AGBL4: variants seen among roughly 807,000 people sequenced by gnomAD.
AGBL4 encodes the protein AGBL carboxypeptidase 4.
A neutral mutation model predicts 66.4 loss-of-function variants in AGBL4; 58 were observed. The observed-to-expected ratio is 0.87, with a 90% CI of 0.71 to 1.09. The LOEUF (loss-of-function observed/expected upper bound fraction) is 1.09, where lower values mean the gene tolerates loss of function less well. Among genes scored for constraint, AGBL4 ranks in the 50% least tolerant of loss-of-function variants. The pLI, the probability that AGBL4 is intolerant of heterozygous loss-of-function variation, is 0.00. For synonymous variants in AGBL4, 234 were observed against 222.9 expected (o/e 1.05, Z -0.44); for missense variants, 579 against 631.0 (o/e 0.92, Z 0.88).
At chr1:48,600,238 T>G (rs1249659837) in intron 9 of AGBL4, among the ~76,000 whole-genome samples, 6 of 152,046 alleles carry the variant, frequency 3.9e-5, no homozygotes, top group Admixed American at 3.9e-4. Context: ...AATAAATGAA[T>G]GGGCCAGCTA....
intron 2 of AGBL4, among the ~76,000 whole-genome samples, chr1:49,736,034 A>G (rs1649861873): frequency 6.6e-6 from 1 of 152,158 alleles, no homozygotes; most frequent in African/African-American, 2.4e-5. Flanking sequence ...AGCCACAGAA[A>G]TCTTTGGGAA....
chr1:49,363,910 G>A (rs1007979152), intron 3 of AGBL4, among the ~76,000 whole-genome samples: 1 of 152,148 alleles, frequency 6.6e-6, no homozygotes, highest in Non-Finnish European at 1.5e-5. Flanking sequence ...ATATAACATT[G>A]CAATTAACTG....
At chr1:49,519,808 T>G (rs1263699148) in intron 3 of AGBL4, among the ~76,000 whole-genome samples, 6 of 152,064 alleles carry the variant, frequency 3.9e-5, no homozygotes, top group African/African-American at 1.4e-4. Flanking sequence ...TCTATGAAGC[T>G]GAGTTTGGCA....
chr1:49,802,801 C>T (rs927180721), intron 2 of AGBL4, among the ~76,000 whole-genome samples: 18 of 152,120 alleles, frequency 1.2e-4, no homozygotes, highest in Non-Finnish European at 1.5e-4. Flanking sequence ...CCTATCCATC[C>T]GCCTGGGAAC....
chr1:49,602,619 A>T (rs1455820446), intron 3 of AGBL4, among the ~76,000 whole-genome samples: 1 of 151,590 alleles, frequency 6.6e-6, no homozygotes, highest in Non-Finnish European at 1.5e-5. Context: ...ACGTGTTCTC[A>T]CTCATAGGTG....
intron 4 of AGBL4, among the ~76,000 whole-genome samples, chr1:49,177,348 C>T (rs569289243): frequency 6.6e-6 from 1 of 152,312 alleles, no homozygotes; most frequent in South Asian, 2.1e-4. Flanking sequence ...TCCTTACCAT[C>T]TAATCATTCC....
At chr1:49,851,290 A>G in intron 2 of AGBL4, 106 bp downstream of exon 2, 1 of 1,232,980 alleles carries the variant, frequency 8.1e-7, no homozygotes, top group Non-Finnish European at 1.1e-6. Context: ...TTATTGTGAA[A>G]TATTAAATGA....
In AGBL4 at chr1:49,007,999, C is replaced by A. The variant is rs560657932; in HGVS notation, c.594+37585G>T. Among the ~76,000 whole-genome samples the A allele has an allele frequency of 6.0e-4, 92 of 152,164 alleles. 3 individuals carry two copies. In the South Asian group the frequency reaches 0.015, roughly 24 times the overall value. On this transcript the variant is annotated intron_variant, in intron 5 of 13. Coordinates refer to ENST00000371839, the MANE Select transcript of AGBL4 (RefSeq NM_032785.4). ...GAGCAAAATAACCAGCTAACATCAT[C>A]ATGACAGGATCAAATTAACACATAA...
chr1:49,637,746 A>C (rs1645704993), intron 3 of AGBL4, among the ~76,000 whole-genome samples: 1 of 152,162 alleles, frequency 6.6e-6, no homozygotes, highest in African/African-American at 2.4e-5. Flanking sequence ...TAATAGCAAC[A>C]AATTAAAAAA....
intron 2 of AGBL4, among the ~76,000 whole-genome samples, chr1:49,835,723 C>T (rs1645830720): frequency 6.6e-6 from 1 of 152,142 alleles, no homozygotes; most frequent in South Asian, 2.1e-4. Context: ...TTTTTCCTTT[C>T]CATATTTAGT....
In AGBL4 at chr1:49,818,361, GT is replaced by G. The variant is rs1307819823; in HGVS notation, c.157+33034del. Among the ~76,000 whole-genome samples, 52 of 111,784 alleles carry G rather than the reference GT, an allele frequency of 4.7e-4. 1 individual carries two copies. In the South Asian group the frequency reaches 0.013, roughly 29 times the overall value. The allele number at this position is 111,784 out of a possible 152,430, so 73.3% of individuals were successfully genotyped here. A position where few individuals can be genotyped will look rare whatever the true frequency, so the allele number is the denominator to read the frequency against. On this transcript the variant is annotated intron_variant, in intron 2 of 13. Coordinates refer to ENST00000371839, the MANE Select transcript of AGBL4 (RefSeq NM_032785.4). ...AGTTTCTTGCTTTCTGTTTGTTTTT[GT>G]TTTTTTTGTTTTTTTTTTTTTGAGA...
intron 1 of AGBL4, among the ~76,000 whole-genome samples, chr1:50,015,707 A>T (rs1661928006): frequency 6.6e-6 from 1 of 152,138 alleles, no homozygotes; most frequent in African/African-American, 2.4e-5. Context: ...CAAACAAAAA[A>T]AACAAAGCCA....
intron 5 of AGBL4, among the ~76,000 whole-genome samples, chr1:48,948,822 T>C (rs919911254): frequency 6.6e-6 from 1 of 152,026 alleles, no homozygotes; most frequent in Non-Finnish European, 1.5e-5. Flanking sequence ...ATGGAAGGCA[T>C]TGTTGTGGTC....
At chr1:50,023,080 T>A (rs990496870) in intron 1 of AGBL4, among the ~76,000 whole-genome samples, 2 of 151,802 alleles carry the variant, frequency 1.3e-5, no homozygotes, top group Non-Finnish European at 2.9e-5. Context: ...TTCAAGATCA[T>A]TGAACCCACA....
intron 1 of AGBL4, among the ~76,000 whole-genome samples, chr1:49,918,489 A>T (rs1295317907): frequency 6.6e-6 from 1 of 152,190 alleles, no homozygotes; most frequent in Admixed American, 6.5e-5. Context: ...AATCTAGAAG[A>T]AATGGATAAA....
chr1:49,577,316 G>T (rs1571087919), intron 3 of AGBL4, among the ~76,000 whole-genome samples: 1 of 152,156 alleles, frequency 6.6e-6, no homozygotes, highest in East Asian at 1.9e-4. Flanking sequence ...GAATAAAGTG[G>T]CCATGGTGGC....
chr1:49,183,360 G>A (rs899657801), intron 4 of AGBL4, among the ~76,000 whole-genome samples: 1 of 152,050 alleles, frequency 6.6e-6, no homozygotes, highest in Admixed American at 6.6e-5. Context: ...TACTGGCCTG[G>A]CCTTTCTCAT....
At chr1:49,537,129 T>C (rs1480293527) in intron 3 of AGBL4, among the ~76,000 whole-genome samples, 5 of 152,084 alleles carry the variant, frequency 3.3e-5, no homozygotes, top group African/African-American at 1.2e-4. Context: ...TCTCTCACCG[T>C]ATATAAAAAT....
Position 49,846,156 on chromosome 1 carries a change from A to G in AGBL4, c.157+5240T>C, listed in dbSNP as rs1646137228. 6 of 1,455,126 alleles carry G rather than the reference A, an allele frequency of 4.1e-6. No homozygotes were observed. In the African/African-American group the frequency reaches 4.2e-5, roughly 10 times the overall value. 90.1% of individuals were successfully genotyped at this position (1,455,126 alleles called of 1,614,324 possible). On this transcript the variant is annotated intron_variant, in intron 2 of 13. Transcript: ENST00000371839. ...AGGATTCATACCAAGGAAAAGCCCT[A>G]TGGGTTCAATAAGTGTGGGAAATCC...
Sources: gnomAD v4.1 joint callset for allele counts (sites outside exome capture counted in the v4.1 genomes callset) on GRCh38, gnomAD v4.1.1 for gene constraint, MANE v1.5 for transcripts, NCBI Gene and HGNC (gene_info 2026-07-23, HGNC 2026-07-21) for gene names.